The following JARID2 variants were observed in gnomAD, a reference collection of about 807,000 sequenced individuals.
JARID2 encodes the protein protein Jumonji.
JARID2 carries 21 observed loss-of-function variants against 125.6 expected under a neutral mutation model. The ratio of observed to expected loss-of-function variants is 0.17; its 90% confidence interval spans 0.12 to 0.24. The LOEUF is 0.24. Among genes scored for constraint, JARID2 ranks in the 10% least tolerant of loss-of-function variants. The pLI is 1.00. For synonymous variants in JARID2, 736 were observed against 661.6 expected (o/e 1.11, Z -1.73); for missense variants, 1,303 against 1,639.6 (o/e 0.79, Z 3.55).
intron 3 of JARID2, among the ~76,000 whole-genome samples, chr6:15,449,132 CTCTGGGCTTCTGG>C (rs1206432080): frequency 6.6e-6 from 1 of 152,080 alleles, no homozygotes; most frequent in Non-Finnish European, 1.5e-5. Context: ...AAGATCCTGC[CTCTGGGCTTCTGG>C]TCTGTCATGA....
intron 2 of JARID2, among the ~76,000 whole-genome samples, chr6:15,398,779 GCTGATGCCTGTGTGCA>G (rs2127552132): frequency 6.6e-6 from 1 of 152,318 alleles, no homozygotes; most frequent in African/African-American, 2.4e-5. Flanking sequence ...TTTTATTAGT[GCTGATGCCTGTGTGCA>G]CTCTGAGTGT....
chr6:15,497,223 C>T, intron 7 of JARID2, 53 bp downstream of exon 7: 1 of 1,295,724 alleles, frequency 7.7e-7, no homozygotes, highest in Non-Finnish European at 1.1e-6. Flanking sequence ...GCCCCCAGAT[C>T]CCTGCAGTTC....
chr6:15,374,254 T>C lies in JARID2; in HGVS notation c.181+2T>C. ...CTGGGAGCCTGAAAACTGTGAATGG[T>C]GAGTTGACTCTTGGAATATCTCATT... On this transcript the variant is annotated splice_donor_variant, in intron 2 of 17. Transcript: ENST00000341776. LOFTEE classifies it high-confidence loss of function. 6.2e-7 allele frequency: 1 copy of C among 1,613,584 alleles called. No individual in the cohort carries two copies.
chr6:15,415,792 C>A (rs1172329586), intron 3 of JARID2, among the ~76,000 whole-genome samples: 1 of 145,310 alleles, frequency 6.9e-6, no homozygotes, highest in South Asian at 2.2e-4. Context: ...CCCTCACCTC[C>A]CAGACGGGGC....
At chr6:15,486,020 G>A (rs1043441739) in intron 5 of JARID2, among the ~76,000 whole-genome samples, 2 of 152,220 alleles carry the variant, frequency 1.3e-5, no homozygotes, top group Non-Finnish European at 2.9e-5. Flanking sequence ...CCTGGTTGGG[G>A]TGGGGATGGC....
chr6:15,508,282 C>T (rs958281016), intron 11 of JARID2, 58 bp from the exon 12 acceptor site: 3 of 847,698 alleles, frequency 3.5e-6, no homozygotes, highest in Non-Finnish European at 2.1e-6. Context: ...ACTTACTGTT[C>T]CTTTGAGACC....
chr6:15,383,802 T>G (rs1000934727), intron 2 of JARID2, among the ~76,000 whole-genome samples: 3 of 152,100 alleles, frequency 2.0e-5, no homozygotes, highest in Admixed American at 6.5e-5. Flanking sequence ...TTGATTTTAT[T>G]ATTTTATTTT....
At chr6:15,364,044 T>G (rs538047941) in intron 1 of JARID2, among the ~76,000 whole-genome samples, 2 of 152,222 alleles carry the variant, frequency 1.3e-5, no homozygotes, top group African/African-American at 4.8e-5. Flanking sequence ...GTTTGTAATA[T>G]AACATGACCA....
chr6:15,361,692 A>C (rs1447853401), intron 1 of JARID2, among the ~76,000 whole-genome samples: 1 of 152,024 alleles, frequency 6.6e-6, no homozygotes, highest in Non-Finnish European at 1.5e-5. Flanking sequence ...TTAAACCCCC[A>C]ACTGCCACAT....
intron 1 of JARID2, among the ~76,000 whole-genome samples, chr6:15,368,184 A>G (rs1196371291): frequency 4.6e-5 from 7 of 152,174 alleles, no homozygotes; most frequent in Admixed American, 3.9e-4. Context: ...CAACTTGGTT[A>G]TATTATGCAC....
chr6:15,269,110 T>C (rs1276095505), intron 1 of JARID2, among the ~76,000 whole-genome samples: 2 of 152,166 alleles, frequency 1.3e-5, no homozygotes, highest in Non-Finnish European at 1.5e-5. Context: ...CTCAAAATGC[T>C]TGCCAGTGGT....
At chr6:15,415,889 G>T (rs1581530157) in intron 3 of JARID2, among the ~76,000 whole-genome samples, 1 of 151,466 alleles carries the variant, frequency 6.6e-6, no homozygotes, top group South Asian at 2.1e-4. Context: ...CCTCCCTCCC[G>T]GATGGGGTGG....
chr6:15,337,170 C>T (rs1002794931), intron 1 of JARID2, among the ~76,000 whole-genome samples: 2 of 152,116 alleles, frequency 1.3e-5, no homozygotes, highest in Non-Finnish European at 2.9e-5. Context: ...CCCTAACTGC[C>T]GATCAAAACC....
rs533441121 is a variant in JARID2 at position 15,496,066 on chromosome 6, C to T, written c.907-66C>T. 7.3e-6 allele frequency: 10 copies of T among 1,363,084 alleles called. No individual in the cohort carries two copies. The African/African-American group carries it at 1.3e-4, about 18-fold the overall frequency. 84.4% of individuals were successfully genotyped at this position (1,363,084 alleles called of 1,614,324 possible). ...TCCAGGGTCCTTTCTCACGGGTGGG[C>T]CGGTCATTTTAGTGGCAGGTACTAA... On this transcript the variant is annotated intron_variant, in intron 6 of 17. Transcript: ENST00000341776.
At chr6:15,349,181 GTAGA>G in intron 1 of JARID2, among the ~76,000 whole-genome samples, 1 of 152,290 alleles carries the variant, frequency 6.6e-6, no homozygotes, top group East Asian at 1.9e-4. Flanking sequence ...GGGTGATGTG[GTAGA>G]TAGGTCCTGG....
At chr6:15,290,533 C>A (rs1025229987) in intron 1 of JARID2, among the ~76,000 whole-genome samples, 25 of 152,176 alleles carry the variant, frequency 1.6e-4, no homozygotes, top group African/African-American at 6.0e-4. Context: ...GTATTGTCAG[C>A]CTGACTGCTT....
At chr6:15,371,788 T>A (rs1561819208) in intron 1 of JARID2, among the ~76,000 whole-genome samples, 1 of 152,212 alleles carries the variant, frequency 6.6e-6, no homozygotes, top group Non-Finnish European at 1.5e-5. Context: ...TTTGCTGGCT[T>A]CTCTTAGCCT....
At chr6:15,262,001 CA>C (rs1438630167) in intron 1 of JARID2, among the ~76,000 whole-genome samples, 2 of 151,718 alleles carry the variant, frequency 1.3e-5, no homozygotes, top group Admixed American at 6.6e-5. Context: ...AGGCTGGTTT[CA>C]AACTCCTGAC....
chr6:15,311,764 T>C (rs1762022495), intron 1 of JARID2, among the ~76,000 whole-genome samples: 1 of 151,800 alleles, frequency 6.6e-6, no homozygotes, highest in Non-Finnish European at 1.5e-5. Flanking sequence ...TCTTGTAATA[T>C]TTTCCTTAAA....
Sources: gnomAD v4.1 joint callset for allele counts (sites outside exome capture counted in the v4.1 genomes callset) on GRCh38, gnomAD v4.1.1 for gene constraint, MANE v1.5 for transcripts, NCBI Gene and HGNC (gene_info 2026-07-23, HGNC 2026-07-21) for gene names.